Variants in PLSCR4 observed in about 807,000 individuals in gnomAD.
The protein encoded by PLSCR4 is Ca(2+)-dependent phospholipid scramblase 4.
In PLSCR4, 25 loss-of-function variants were observed where a neutral mutation model predicts 36.3. The ratio of observed to expected loss-of-function variants is 0.69; its 90% confidence interval spans 0.50 to 0.96. PLSCR4 has a LOEUF of 0.96. Ranked by LOEUF, PLSCR4 falls within the 40% of genes least tolerant of loss-of-function variation. The pLI is 0.00. For synonymous variants in PLSCR4, 122 were observed against 132.9 expected, an observed-to-expected ratio of 0.92 and a Z score of 0.56; for missense variants, 408 against 414.7, an observed-to-expected ratio of 0.98 and a Z score of 0.14.
chr3:146,247,911 C>T (rs141820186), intron 1 of PLSCR4, among the ~76,000 whole-genome samples: 1,597 of 152,276 alleles, frequency 0.01, 31 homozygotes, highest in African/African-American at 0.037. Context: ...CGTGAGCTAC[C>T]GCCACCCAGC....
rs755658251 is a variant in PLSCR4 at position 146,220,895 on chromosome 3, G to A, written c.38C>T (p.Ala13Val). 17 of 1,613,184 alleles carry A rather than the reference G, an allele frequency of 1.1e-5. No homozygotes were observed. ...TTTTGTTTGATTTTCCATTTCACCT[G>A]CAGGCTGTTCAGGGGCTGTGGGTAC... ...GVVPTAPEQP[A>V]GEMENQTKPP... is the part of the protein sequence containing the mutation. The change falls in exon 3 of 9, where the codon GCA (alanine) becomes GTA (valine). Residue 13 changes from alanine (A) to valine (V), a missense_variant. Transcript: ENST00000354952.
At chr3:146,243,831 G>A (rs903988317) in intron 1 of PLSCR4, among the ~76,000 whole-genome samples, 2 of 152,060 alleles carry the variant, frequency 1.3e-5, no homozygotes, top group African/African-American at 4.8e-5. Flanking sequence ...AACACTTGCT[G>A]GTCACTTGGC....
At position 146,214,247 on chromosome 3, in the gene PLSCR4, A is replaced by G. The variant is rs567953837; in HGVS notation, c.118+6568T>C. Among the ~76,000 whole-genome samples the G allele has an allele frequency of 3.2e-4, 15 of 47,112 alleles. 6 individuals carry two copies. Among genetic ancestry groups the G allele is most frequent in the Non-Finnish European group, 7.1e-4 (15 of 21,226 alleles). 30.9% of individuals were successfully genotyped at this position (47,112 alleles called of 152,430 possible). A position where few individuals can be genotyped will look rare whatever the true frequency, so the allele number is the denominator to read the frequency against. On this transcript the variant is annotated intron_variant, in intron 3 of 8. Transcript: ENST00000354952. ...CGCCATTCTCCTGCCTCAGCCTCCC[A>G]AGTAGCTGGGACTACAGGCGCCCGC...
chr3:146,212,249 A>C (rs1465845341), intron 3 of PLSCR4, among the ~76,000 whole-genome samples: 1 of 151,872 alleles, frequency 6.6e-6, no homozygotes, highest in Non-Finnish European at 1.5e-5. Context: ...CCTTTTATTA[A>C]AGTTACTTCT....
chr3:146,249,790 T>A (rs1212194353), intron 1 of PLSCR4, among the ~76,000 whole-genome samples: 1 of 152,100 alleles, frequency 6.6e-6, no homozygotes, highest in Non-Finnish European at 1.5e-5. Flanking sequence ...AGAAATGATA[T>A]CTTTACCTAG....
intron 1 of PLSCR4, among the ~76,000 whole-genome samples, chr3:146,227,131 C>A (rs1331980299): frequency 6.6e-6 from 1 of 152,108 alleles, no homozygotes; most frequent in Non-Finnish European, 1.5e-5. Context: ...TTAGCAACAG[C>A]AAAAAGTGCC....
intron 4 of PLSCR4, among the ~76,000 whole-genome samples, chr3:146,206,153 C>T (rs937719889): frequency 1.3e-5 from 2 of 152,034 alleles, no homozygotes; most frequent in Non-Finnish European, 2.9e-5. Flanking sequence ...AATTTACCCA[C>T]TGTATTGTGT....
rs771551208 is a variant in PLSCR4 at position 146,206,484 on chromosome 3, G to A, written c.354+42C>T. 11 of 1,441,140 alleles carry A rather than the reference G, an allele frequency of 7.6e-6. No homozygotes were observed. In the East Asian group the frequency reaches 1.8e-4, roughly 24 times the overall value. 89.3% of individuals were successfully genotyped at this position (1,441,140 alleles called of 1,614,324 possible). A position where few individuals can be genotyped will look rare whatever the true frequency, so the allele number is the denominator to read the frequency against. ...TTTCTCTCTTTGTTGGATCCCTATG[G>A]TCACATTTCATAAGAAAATAATTTG... On this transcript the variant is annotated intron_variant, in intron 4 of 8. Transcript: ENST00000354952.
chr3:146,228,803 C>T (rs1251395008), intron 1 of PLSCR4, among the ~76,000 whole-genome samples: 2 of 151,962 alleles, frequency 1.3e-5, no homozygotes, highest in Non-Finnish European at 2.9e-5. Flanking sequence ...TAAGATGCAA[C>T]TGAACTAATA....
rs1679790920 is a variant in PLSCR4 at position 146,196,484 on chromosome 3, A to G, written c.786+148T>C. ...TCAATCTACTCACAATAACTTTAAAATCTTTTGATGTCAACTGGTTAATTA... is the reference window on the plus strand; with the variant it reads ...TCAATCTACTCACAATAACTTTAAAGTCTTTTGATGTCAACTGGTTAATTA... On this transcript the variant is annotated intron_variant, in intron 7 of 8. Coordinates refer to ENST00000354952, the MANE Select transcript of PLSCR4 (RefSeq NM_020353.3). 19 of 734,122 alleles carry G rather than the reference A, an allele frequency of 2.6e-5. No individual in the cohort carries two copies. In the South Asian group the frequency reaches 3.9e-4, roughly 15 times the overall value. The allele number at this position is 734,122 out of a possible 1,614,324, so 45.5% of individuals were successfully genotyped here. A position where few individuals can be genotyped will look rare whatever the true frequency, so the allele number is the denominator to read the frequency against.
chr3:146,199,719 C>T, intron 6 of PLSCR4, 94 bp downstream of exon 6: 2 of 1,019,938 alleles, frequency 2.0e-6, no homozygotes, highest in South Asian at 2.9e-5. Context: ...CTGGCAGGGC[C>T]AGGGAATATC....
At chr3:146,202,555 G>C (rs1447578457) in intron 4 of PLSCR4, among the ~76,000 whole-genome samples, 2 of 152,022 alleles carry the variant, frequency 1.3e-5, no homozygotes, top group Admixed American at 1.3e-4. Context: ...ATTGCTAAAT[G>C]GTCAGGGTGG....
Position 146,224,952 on chromosome 3 carries a change from G to T in PLSCR4, c.-21-2860C>A, listed in dbSNP as rs939031731. Among the ~76,000 whole-genome samples the T allele has an allele frequency of 5.9e-5, 9 of 151,652 alleles. No individual in the cohort carries two copies. The South Asian group carries it at 1.7e-3, about 28-fold the overall frequency. ...GGTTCTCCAAGGCCCCACCAGAGCA[G>T]CTAGATACAGAGTGTCGATTGGTGC... is the stretch of plus-strand genomic sequence containing the variant. On this transcript the variant is annotated intron_variant, in intron 1 of 8. Transcript: ENST00000354952.
intron 2 of PLSCR4, 90 bp from the exon 3 acceptor site, chr3:146,221,015 C>A: frequency 2.9e-6 from 2 of 696,534 alleles, no homozygotes; most frequent in Non-Finnish European, 2.4e-6. Context: ...GGGAATGCAT[C>A]AAGAAATATA....
Position 146,201,019 on chromosome 3 carries a change from CA to C in PLSCR4, c.397+15del. The C allele has an allele frequency of 2.6e-6, 4 of 1,526,070 alleles. No homozygotes were observed. The highest frequency in any genetic ancestry group is 3.5e-6 in the Non-Finnish European group (4 of 1,129,232). The allele number at this position is 1,526,070 out of a possible 1,614,324, so 94.5% of individuals were successfully genotyped here. On this transcript the variant is annotated intron_variant, in intron 5 of 8. Transcript: ENST00000354952. ...CTGATTAAAATACTGCTGAGCACTACAAAAATTATACATACTTTCCAGAGGC... is the reference window on the plus strand; with the variant it reads ...CTGATTAAAATACTGCTGAGCACTACAAAATTATACATACTTTCCAGAGGC...
At chr3:146,208,420 A>C (rs143954914) in intron 3 of PLSCR4, among the ~76,000 whole-genome samples, 1 of 152,204 alleles carries the variant, frequency 6.6e-6, no homozygotes, top group African/African-American at 2.4e-5. Flanking sequence ...AAAAGCAATG[A>C]TAAGTAGGTG....
chr3:146,203,352 G>A (rs2034142919), intron 4 of PLSCR4, among the ~76,000 whole-genome samples: 1 of 151,974 alleles, frequency 6.6e-6, no homozygotes, highest in Non-Finnish European at 1.5e-5. Flanking sequence ...TGTTGTCAGT[G>A]AGTAGTAATG....
chr3:146,215,648 G>C (rs1167469015), intron 3 of PLSCR4, among the ~76,000 whole-genome samples: 1 of 151,694 alleles, frequency 6.6e-6, no homozygotes, highest in Non-Finnish European at 1.5e-5. Context: ...TTTTTTTTGT[G>C]TTTCTGCCCA....
intron 1 of PLSCR4, chr3:146,223,764 T>C (rs1488121531): frequency 6.6e-6 from 1 of 151,370 alleles, no homozygotes; most frequent in African/African-American, 2.4e-5. Context: ...TACGGTGCCC[T>C]ATGTGTCTCC....
Sources: gnomAD v4.1 joint callset for allele counts (sites outside exome capture counted in the v4.1 genomes callset) on GRCh38, gnomAD v4.1.1 for gene constraint, MANE v1.5 for transcripts, NCBI Gene and HGNC (gene_info 2026-07-23, HGNC 2026-07-21) for gene names.